EPB41L4B: variants seen among roughly 807,000 people sequenced by gnomAD.
The protein encoded by EPB41L4B is erythrocyte membrane protein band 4.1 like 4B, also known as band 4.1-like protein 4B.
A neutral mutation model predicts 112.5 loss-of-function variants in EPB41L4B; 30 were observed. That is an observed-to-expected ratio of 0.27 (90% CI 0.20 to 0.36). The LOEUF (loss-of-function observed/expected upper bound fraction) is 0.36, where lower values mean the gene tolerates loss of function less well. EPB41L4B is among the 10% of genes least tolerant of loss of function. The pLI is 1.00. For synonymous variants in EPB41L4B, 408 were observed against 439.7 expected, an observed-to-expected ratio of 0.93 and a Z score of 0.90; for missense variants, 1,024 against 1,133.3, an observed-to-expected ratio of 0.90 and a Z score of 1.38.
rs539680492 is a variant in EPB41L4B at position 109,289,315 on chromosome 9, C to T, written c.307-9394G>A. On this transcript the variant is annotated intron_variant, in intron 1 of 25. Coordinates refer to ENST00000374566, the MANE Select transcript of EPB41L4B (RefSeq NM_019114.5). ...CAGGCCCCGCCTCTCAGGCTTGGCT[C>T]GTGTCCTTCCTTTGCCTAGGATGCC... Among the ~76,000 whole-genome samples, 7 of 152,340 alleles carry T rather than the reference C, an allele frequency of 4.6e-5. No individual in the cohort carries two copies. The South Asian group carries it at 1.2e-3, about 27-fold the overall frequency.
intron 2 of EPB41L4B, 52 bp from the exon 3 acceptor site, chr9:109,268,485 T>G (rs1260489915): frequency 1.9e-6 from 3 of 1,539,014 alleles, no homozygotes; most frequent in African/African-American, 2.8e-5. Context: ...GCAAGGTTAT[T>G]CAGCCCTCAC....
chr9:109,257,144 G>A (rs1242828997), intron 7 of EPB41L4B, among the ~76,000 whole-genome samples: 1 of 152,194 alleles, frequency 6.6e-6, no homozygotes, highest in East Asian at 1.9e-4. Flanking sequence ...CGTTGTTTCA[G>A]TGTTACACAA....
intron 20 of EPB41L4B, among the ~76,000 whole-genome samples, chr9:109,196,753 C>G (rs1832655446): frequency 6.6e-6 from 1 of 151,328 alleles, no homozygotes; most frequent in Admixed American, 6.6e-5. Flanking sequence ...TTTTCGCCTG[C>G]CTTAAACTCT....
intron 1 of EPB41L4B, among the ~76,000 whole-genome samples, chr9:109,285,855 C>G (rs1461339361): frequency 6.6e-6 from 1 of 152,178 alleles, no homozygotes; most frequent in Non-Finnish European, 1.5e-5. Context: ...TTCCGTCTTT[C>G]AGGAGCCTCC....
intron 14 of EPB41L4B, 115 bp downstream of exon 14, chr9:109,247,641 C>T (rs939163628): frequency 7.8e-6 from 5 of 643,358 alleles, no homozygotes; most frequent in Non-Finnish European, 7.1e-6. Context: ...AATCTGATTA[C>T]AAATATGATG....
At chr9:109,185,735 T>C in intron 22 of EPB41L4B, 130 bp from the exon 23 acceptor site, 1 of 628,212 alleles carries the variant, frequency 1.6e-6, no homozygotes, top group Non-Finnish European at 2.5e-6. Context: ...TCCAGACTGT[T>C]CTCAAGCCAG....
In EPB41L4B at chr9:109,255,858, A is replaced by C. The variant is rs1360801707; in HGVS notation, c.930-15T>G. On this transcript the variant is annotated splice_polypyrimidine_tract_variant and intron_variant, in intron 9 of 25. Transcript: ENST00000374566. Reference sequence around the variant, plus strand: ...TAATTTTAGGCCTAGTCAGACAGAAAGCATTTTAAAAGCACAATCTGCAGT... The same window carrying C: ...TAATTTTAGGCCTAGTCAGACAGAACGCATTTTAAAAGCACAATCTGCAGT... The C allele has an allele frequency of 6.2e-7, 1 of 1,609,368 alleles. No homozygotes were observed. The highest frequency in any genetic ancestry group is 1.1e-5 in the South Asian group (1 of 89,704).
At chr9:109,257,010 CA>C (rs1303441620) in intron 7 of EPB41L4B, among the ~76,000 whole-genome samples, 1 of 152,186 alleles carries the variant, frequency 6.6e-6, no homozygotes, top group Non-Finnish European at 1.5e-5. Flanking sequence ...AAGGAAACAA[CA>C]AAACAAGTTG....
At chr9:109,285,155 C>G (rs1836222390) in intron 1 of EPB41L4B, among the ~76,000 whole-genome samples, 1 of 152,246 alleles carries the variant, frequency 6.6e-6, no homozygotes, top group African/African-American at 2.4e-5. Flanking sequence ...CCATTCCCCA[C>G]CTGGGTCTGT....
intron 4 of EPB41L4B, among the ~76,000 whole-genome samples, chr9:109,266,724 T>C (rs1017850343): frequency 3.3e-5 from 5 of 152,068 alleles, no homozygotes; most frequent in Non-Finnish European, 7.4e-5. Flanking sequence ...TCCCAGCACT[T>C]TGGGAGGCCA....
At chr9:109,231,020 A>G (rs998057664) in intron 15 of EPB41L4B, among the ~76,000 whole-genome samples, 1 of 152,082 alleles carries the variant, frequency 6.6e-6, no homozygotes, top group Admixed American at 6.6e-5. Flanking sequence ...TTAGCTGGGC[A>G]TAGTGGTGCA....
chr9:109,178,194 G>C (rs769232272), intron 24 of EPB41L4B, among the ~76,000 whole-genome samples: 63 of 152,034 alleles, frequency 4.1e-4, no homozygotes, highest in Non-Finnish European at 8.5e-4. Flanking sequence ...GGGATTATAG[G>C]TGTGAGCCAC....
intron 17 of EPB41L4B, among the ~76,000 whole-genome samples, chr9:109,212,670 C>T (rs887410720): frequency 2.0e-5 from 3 of 152,126 alleles, no homozygotes; most frequent in Non-Finnish European, 1.5e-5. Context: ...AGGGACAAAG[C>T]TAAGCATTAA....
chr9:109,190,668 C>A (rs57652235), intron 22 of EPB41L4B, among the ~76,000 whole-genome samples: 2,616 of 152,312 alleles, frequency 0.017, 81 homozygotes, highest in African/African-American at 0.06. Flanking sequence ...CTGGATTGGG[C>A]CATCTGCCAC....
chr9:109,289,408 C>T (rs1359725390), intron 1 of EPB41L4B, among the ~76,000 whole-genome samples: 1 of 152,228 alleles, frequency 6.6e-6, no homozygotes, highest in Admixed American at 6.5e-5. Flanking sequence ...TTTCAAGTAA[C>T]ACTCTTCATT....
chr9:109,317,048 T>G (rs149045405), intron 1 of EPB41L4B, among the ~76,000 whole-genome samples: 33 of 152,280 alleles, frequency 2.2e-4, no homozygotes, highest in Non-Finnish European at 4.1e-4. Context: ...AAGACCGTAG[T>G]GAGCTGTGGT....
chr9:109,182,034 C>T (rs915724848), intron 24 of EPB41L4B, among the ~76,000 whole-genome samples: 2 of 152,252 alleles, frequency 1.3e-5, no homozygotes, highest in East Asian at 3.9e-4. Context: ...CGTAATGAAA[C>T]CCCACCTCTA....
chr9:109,307,899 A>G (rs893706227), intron 1 of EPB41L4B, among the ~76,000 whole-genome samples: 3 of 152,170 alleles, frequency 2.0e-5, no homozygotes, highest in African/African-American at 7.2e-5. Context: ...GGCTACGTGC[A>G]GGAAGCTACA....
At chr9:109,281,986 C>T (rs1836080985) in intron 1 of EPB41L4B, among the ~76,000 whole-genome samples, 1 of 152,162 alleles carries the variant, frequency 6.6e-6, no homozygotes, top group African/African-American at 2.4e-5. Flanking sequence ...GTAGAAACAA[C>T]CCAAATATCT....
Sources: allele counts gnomAD v4.1 joint callset (sites outside exome capture counted in the v4.1 genomes callset), GRCh38; gene constraint gnomAD v4.1.1; transcripts MANE v1.5; gene names NCBI Gene and HGNC (gene_info 2026-07-23, HGNC 2026-07-21).